MYT1L: variants seen among roughly 807,000 people sequenced by gnomAD.
MYT1L encodes the protein myelin transcription factor 1 like.
A neutral mutation model predicts 126.7 loss-of-function variants in MYT1L; 12 were observed. The ratio of observed to expected loss-of-function variants is 0.09; its 90% CI spans 0.06 to 0.15. The LOEUF is 0.15. Among genes scored for constraint, MYT1L ranks in the 10% least tolerant of loss-of-function variants. The pLI is 1.00. For missense variants in MYT1L, 979 were observed against 1,585.2 expected (o/e 0.62, Z 6.49); for synonymous variants, 541 against 604.2 (o/e 0.90, Z 1.53).
At chr2:2,324,160 G>A (rs1454304372) in intron 1 of MYT1L, 2 of 152,154 alleles carry the variant, frequency 1.3e-5, no homozygotes, top group Admixed American at 6.5e-5. Flanking sequence ...GGGAGCACAG[G>A]ACATATTTAC....
intron 3 of MYT1L, among the ~76,000 whole-genome samples, chr2:2,055,361 T>C (rs1398059646): frequency 6.6e-6 from 1 of 152,236 alleles, no homozygotes; most frequent in Non-Finnish European, 1.5e-5. Flanking sequence ...GAGCATGTTA[T>C]TAATTAAAAA....
intron 4 of MYT1L, among the ~76,000 whole-genome samples, chr2:2,040,049 G>C (rs1026844758): frequency 6.6e-6 from 1 of 152,156 alleles, no homozygotes; most frequent in African/African-American, 2.4e-5. Flanking sequence ...ATGGACTCTT[G>C]CACAACATCC....
chr2:2,143,134 C>A (rs1223546706), intron 3 of MYT1L, among the ~76,000 whole-genome samples: 1 of 151,044 alleles, frequency 6.6e-6, no homozygotes, highest in African/African-American at 2.4e-5. Context: ...ACTAAAAATA[C>A]AAAAAATTAG....
chr2:1,956,574 T>TCTA (rs1553355736), intron 8 of MYT1L, among the ~76,000 whole-genome samples: 3 of 101,518 alleles, frequency 3.0e-5, no homozygotes, highest in African/African-American at 1.1e-4. Context: ...ATATTTCCTA[T>TCTA]TCTATCTATC....
At chr2:2,157,770 G>T (rs1221380341) in intron 3 of MYT1L, among the ~76,000 whole-genome samples, 4 of 152,148 alleles carry the variant, frequency 2.6e-5, no homozygotes, top group Non-Finnish European at 5.9e-5. Context: ...AAAAGAAAAT[G>T]TCTGTTGTCA....
chr2:1,846,478 C>T (rs1393039638), intron 19 of MYT1L, among the ~76,000 whole-genome samples: 2 of 152,140 alleles, frequency 1.3e-5, no homozygotes, highest in African/African-American at 4.8e-5. Flanking sequence ...TAAGGGAGAG[C>T]TCTGTGTTCT....
intron 2 of MYT1L, among the ~76,000 whole-genome samples, chr2:2,247,725 AT>A (rs2094561110): frequency 6.6e-6 from 1 of 152,174 alleles, no homozygotes; most frequent in African/African-American, 2.4e-5. Flanking sequence ...AACATGAATA[AT>A]TTTAGAATTT....
At chr2:2,280,695 G>A (rs1283613601) in intron 2 of MYT1L, among the ~76,000 whole-genome samples, 1 of 152,150 alleles carries the variant, frequency 6.6e-6, no homozygotes, top group South Asian at 2.1e-4. Flanking sequence ...GTGGCCACGC[G>A]CGTGCAGCAT....
intron 2 of MYT1L, among the ~76,000 whole-genome samples, chr2:2,213,491 G>A (rs891291016): frequency 1.3e-5 from 2 of 152,130 alleles, no homozygotes; most frequent in African/African-American, 4.8e-5. Flanking sequence ...GAGGCCAGCC[G>A]AAAAACCACC....
At chr2:2,163,394 T>C (rs1471826115) in intron 3 of MYT1L, among the ~76,000 whole-genome samples, 4 of 152,088 alleles carry the variant, frequency 2.6e-5, no homozygotes, top group Admixed American at 2.6e-4. Context: ...ATCACTGAAA[T>C]ACAATTTATG....
intron 1 of MYT1L, among the ~76,000 whole-genome samples, chr2:2,316,322 G>A (rs751095692): frequency 1.3e-5 from 2 of 152,276 alleles, no homozygotes; most frequent in Non-Finnish European, 2.9e-5. Context: ...TTGTACCCAC[G>A]AGTTCTTGCT....
chr2:1,895,044 G>C (rs2049404050), intron 14 of MYT1L, among the ~76,000 whole-genome samples: 1 of 152,178 alleles, frequency 6.6e-6, no homozygotes, highest in Admixed American at 6.5e-5. Context: ...TGCTACCCCA[G>C]CATCTCTATA....
intron 8 of MYT1L, among the ~76,000 whole-genome samples, chr2:1,948,136 A>G (rs565234483): frequency 9.7e-4 from 147 of 152,246 alleles, no homozygotes; most frequent in Middle Eastern, 3.4e-3. Flanking sequence ...ACGTTTCAGT[A>G]CCTTCTAGTC....
chr2:2,121,960 C>A (rs910657883), intron 3 of MYT1L, among the ~76,000 whole-genome samples: 1 of 152,144 alleles, frequency 6.6e-6, no homozygotes, highest in South Asian at 2.1e-4. Context: ...ATGCCGGCCC[C>A]GATGGCAGGG....
intron 9 of MYT1L, among the ~76,000 whole-genome samples, chr2:1,933,548 A>C (rs1003463331): frequency 5.3e-5 from 8 of 152,240 alleles, no homozygotes; most frequent in Admixed American, 4.6e-4. Context: ...TTAATGTGTA[A>C]GGGAAGTTTT....
At chr2:1,826,197 C>T (rs1572598353) in intron 21 of MYT1L, 3 of 152,496 alleles carry the variant, frequency 2.0e-5, no homozygotes, top group East Asian at 3.9e-4. Flanking sequence ...AATGACAGGG[C>T]CTGGGTTTAA....
intron 2 of MYT1L, among the ~76,000 whole-genome samples, chr2:2,275,724 T>A (rs1236967046): frequency 6.6e-6 from 1 of 152,218 alleles, no homozygotes; most frequent in Non-Finnish European, 1.5e-5. Flanking sequence ...ACACTGAGCA[T>A]GCTTCCTGTT....
chr2:2,210,961 T>A (rs1195558526), intron 2 of MYT1L, among the ~76,000 whole-genome samples: 1 of 152,204 alleles, frequency 6.6e-6, no homozygotes, highest in Non-Finnish European at 1.5e-5. Flanking sequence ...TTAAGTTACT[T>A]CCTATGTATT....
chr2:2,257,139 T>C (rs2094835690), intron 2 of MYT1L, among the ~76,000 whole-genome samples: 1 of 152,148 alleles, frequency 6.6e-6, no homozygotes, highest in African/African-American at 2.4e-5. Context: ...CTGATGCTCC[T>C]GTGGCTGATC....
Sources: gnomAD v4.1 joint callset for allele counts (sites outside exome capture counted in the v4.1 genomes callset) on GRCh38, gnomAD v4.1.1 for gene constraint, MANE v1.5 for transcripts, NCBI Gene and HGNC (gene_info 2026-07-23, HGNC 2026-07-21) for gene names.